Variants in MYOM3 observed in about 807,000 individuals in gnomAD.
MYOM3 encodes the protein myomesin-3.
In MYOM3, 155 loss-of-function variants were observed where a neutral mutation model predicts 191.7. That is an observed-to-expected ratio of 0.81 (90% CI 0.71 to 0.92). The LOEUF (loss-of-function observed/expected upper bound fraction) is 0.92, where lower values mean the gene tolerates loss of function less well. MYOM3 is among the 40% of genes least tolerant of loss of function. The pLI, the probability that MYOM3 is intolerant of heterozygous loss-of-function variation, is 0.00. For synonymous variants in MYOM3, 757 were observed against 762.9 expected, an observed-to-expected ratio of 0.99 and a Z score of 0.13; for missense variants, 1,889 against 1,890.6, an observed-to-expected ratio of 1.00 and a Z score of 0.02.
intron 5 of MYOM3, among the ~76,000 whole-genome samples, chr1:24,100,848 C>T (rs1245739177): frequency 6.6e-6 from 1 of 150,588 alleles, no homozygotes; most frequent in African/African-American, 2.5e-5. Flanking sequence ...GATCGCGCCA[C>T]TGCACTCCAG....
intron 5 of MYOM3, among the ~76,000 whole-genome samples, chr1:24,101,363 A>G (rs559061373): frequency 1.2e-4 from 19 of 152,350 alleles, no homozygotes; most frequent in Admixed American, 2.6e-4. Context: ...CTCCAGGTCC[A>G]GGCTGCATCC....
intron 13 of MYOM3, 126 bp downstream of exon 13, chr1:24,089,939 A>C: frequency 1.0e-6 from 1 of 985,526 alleles, no homozygotes; most frequent in South Asian, 1.5e-5. Flanking sequence ...ACTGCCTCCA[A>C]CTAGGCCCCA....
chr1:24,070,059 T>A (rs530606219), intron 25 of MYOM3, among the ~76,000 whole-genome samples: 1 of 152,314 alleles, frequency 6.6e-6, no homozygotes, highest in African/African-American at 2.4e-5. Context: ...TGTGGTTCAA[T>A]CTAATACAAC....
intron 6 of MYOM3, among the ~76,000 whole-genome samples, chr1:24,098,393 T>C (rs1393091021): frequency 6.6e-6 from 1 of 152,218 alleles, no homozygotes; most frequent in Non-Finnish European, 1.5e-5. Flanking sequence ...CCTCCTCCTT[T>C]CTCAGAGAGC....
rs1034312697 is a variant in MYOM3 at position 24,094,855 on chromosome 1, T to C, written c.926A>G (p.Asp309Gly). The C allele has an allele frequency of 5.0e-6, 8 of 1,611,290 alleles. No individual in the cohort carries two copies. The African/African-American group carries it at 8.0e-5, about 16-fold the overall frequency. Residue 309 changes from aspartate (D) to glycine (G), a missense_variant and splice_region_variant, in exon 9 of 37, where the codon GAT (aspartate) becomes GGT (glycine). Transcript: ENST00000374434. ...GGGCCAGGACTGGGGGTCCTTACCA[T>C]CTCGGAACCACTGGATGCTCTCAGC... ...LDAESIQWFR[D>G]GSLLRSSRRR...
intron 5 of MYOM3, among the ~76,000 whole-genome samples, chr1:24,104,567 C>A (rs919530729): frequency 2.0e-5 from 3 of 152,148 alleles, no homozygotes; most frequent in Non-Finnish European, 4.4e-5. Context: ...CCTCCGCCTC[C>A]CGGGTTCAAG....
intron 16 of MYOM3, 106 bp from the exon 17 acceptor site, chr1:24,082,820 T>A: frequency 7.2e-7 from 1 of 1,390,098 alleles, no homozygotes; most frequent in Non-Finnish European, 9.6e-7. Context: ...CGTGGTAGAA[T>A]TTGAAGGTTC....
chr1:24,067,628 A>G (rs1016879704), intron 27 of MYOM3, among the ~76,000 whole-genome samples: 1 of 151,608 alleles, frequency 6.6e-6, no homozygotes, highest in East Asian at 1.9e-4. Context: ...TGCTCGGCTA[A>G]TTTTTGTATT....
At chr1:24,101,433 C>T (rs1348562337) in intron 5 of MYOM3, among the ~76,000 whole-genome samples, 1 of 152,176 alleles carries the variant, frequency 6.6e-6, no homozygotes, top group African/African-American at 2.4e-5. Flanking sequence ...TATTGATACC[C>T]TGGGATCAGT....
At chr1:24,078,330 T>G (rs1643626457) in intron 20 of MYOM3, among the ~76,000 whole-genome samples, 1 of 152,150 alleles carries the variant, frequency 6.6e-6, no homozygotes, top group Admixed American at 6.5e-5. Context: ...TTGGCCAGGC[T>G]GGTCTCGAAC....
At chr1:24,077,691 T>C (rs1383902839) in intron 20 of MYOM3, among the ~76,000 whole-genome samples, 3 of 152,242 alleles carry the variant, frequency 2.0e-5, no homozygotes, top group Admixed American at 1.3e-4. Context: ...TAGCTTCCCA[T>C]GCCTAGGAAT....
chr1:24,076,329 C>T (rs1303953693), intron 20 of MYOM3, 56 bp from the exon 21 acceptor site: 2 of 1,367,582 alleles, frequency 1.5e-6, no homozygotes, highest in Non-Finnish European at 2.1e-6. Flanking sequence ...TTCCTGAAAC[C>T]TGGGCCCCAG....
At chr1:24,059,878 G>A (rs1236810021) in intron 35 of MYOM3, among the ~76,000 whole-genome samples, 2 of 152,152 alleles carry the variant, frequency 1.3e-5, no homozygotes, top group Non-Finnish European at 1.5e-5. Context: ...GATCAGGGAT[G>A]TGCAAAGATC....
chr1:24,074,647 A>G (rs750499452), intron 22 of MYOM3, among the ~76,000 whole-genome samples: 1 of 152,174 alleles, frequency 6.6e-6, no homozygotes, highest in Admixed American at 6.5e-5. Flanking sequence ...TCTGCATACT[A>G]TAGATGAAGA....
chr1:24,107,004 G>T, intron 4 of MYOM3, 69 bp downstream of exon 4: 1 of 1,445,558 alleles, frequency 6.9e-7, no homozygotes, highest in East Asian at 2.5e-5. Context: ...CTTGGGAAGG[G>T]GGTGAGGATG....
chr1:24,107,034 A>G (rs1296546986), intron 4 of MYOM3, 39 bp downstream of exon 4: 2 of 1,560,462 alleles, frequency 1.3e-6, no homozygotes, highest in South Asian at 1.2e-5. Context: ...GGTGCGTCGC[A>G]GGTCCCAGGC....
At chr1:24,058,135 C>A (rs1219647003) in intron 36 of MYOM3, among the ~76,000 whole-genome samples, 5 of 152,138 alleles carry the variant, frequency 3.3e-5, no homozygotes, top group African/African-American at 1.2e-4. Context: ...GGAATACTTA[C>A]CCATCAGAAT....
rs148055104 is a variant in MYOM3 at position 24,103,664 on chromosome 1, C to T, written c.560+2256G>A. Among the ~76,000 whole-genome samples, 394 of 152,314 alleles carry T rather than the reference C, an allele frequency of 2.6e-3. 1 individual carries two copies. Among genetic ancestry groups the T allele is most frequent in the African/African-American group, 8.7e-3 (361 of 41,570 alleles). ...CAGGCATTGTGAAGACCCTGTTTCT[C>T]TGGCTGTGCAGCTGCAAGGTCACTA... On this transcript the variant is annotated intron_variant, in intron 5 of 36. Coordinates refer to ENST00000374434, the MANE Select transcript of MYOM3 (RefSeq NM_152372.4).
In MYOM3 at chr1:24,111,003, C is replaced by A. The variant is rs1420884367; in HGVS notation, c.-19+1028G>T. ...TCCCGATTAGCACAGCAGGCAGGGG[C>A]CTGGCGCTCGTCCCTGACCTCGGGG... On this transcript the variant is annotated intron_variant, in intron 1 of 36. Coordinates refer to ENST00000374434, the MANE Select transcript of MYOM3 (RefSeq NM_152372.4). The surrounding 1 kb of genome is among the most constrained non-coding windows in gnomAD (Gnocchi z 4.7). Among the ~76,000 whole-genome samples, 1 of 152,252 alleles carries A rather than the reference C, an allele frequency of 6.6e-6. No individual in the cohort carries two copies. The highest frequency in any genetic ancestry group is 2.4e-5 in the African/African-American group (1 of 41,474).
Sources: gnomAD v4.1 joint callset for allele counts (sites outside exome capture counted in the v4.1 genomes callset) on GRCh38, gnomAD v4.1.1 for gene constraint, Gnocchi (gnomAD v3.1) non-coding constraint, MANE v1.5 for transcripts, NCBI Gene and HGNC (gene_info 2026-07-23, HGNC 2026-07-21) for gene names.